Variants in ZNF638 observed in about 807,000 individuals in gnomAD.
ZNF638 encodes CTCL tumor antigen se33-1.
In ZNF638, 46 loss-of-function variants were observed where a neutral mutation model predicts 195.6. The ratio of observed to expected loss-of-function variants is 0.24; its 90% CI spans 0.19 to 0.30. ZNF638 has a LOEUF of 0.30. Among genes scored for constraint, ZNF638 ranks in the 10% least tolerant of loss-of-function variants. The probability of loss-of-function intolerance (pLI) is 1.00; values close to 1 mark genes in which losing one functional copy is unlikely to be tolerated. For synonymous variants in ZNF638, 845 were observed against 772.0 expected (o/e 1.09, Z -1.57); for missense variants, 2,440 against 2,325.3 (o/e 1.05, Z -1.01).
intron 19 of ZNF638, chr2:71,407,560 C>T (rs1159564956): frequency 6.6e-6 from 1 of 152,156 alleles, no homozygotes; most frequent in Non-Finnish European, 1.5e-5. Flanking sequence ...GTTTGTAAGA[C>T]ATAAATTTAA....
At chr2:71,386,726 C>A (rs1160499573) in intron 10 of ZNF638, among the ~76,000 whole-genome samples, 2 of 151,832 alleles carry the variant, frequency 1.3e-5, no homozygotes, top group Non-Finnish European at 2.9e-5. Flanking sequence ...TTAAATAGTC[C>A]ATTTATAATA....
rs1458972309 is a variant in ZNF638, at chr2:71,426,449, C to T, written c.4591-11C>T. On this transcript the variant is annotated splice_polypyrimidine_tract_variant and intron_variant, in intron 23 of 27. Transcript: ENST00000264447. ...TTGTTTACAATACTATGATTTTTAACTTTCCAACAGGAGCCATTATTTCCA... is the reference window on the plus strand; with the variant it reads ...TTGTTTACAATACTATGATTTTTAATTTTCCAACAGGAGCCATTATTTCCA... 1.3e-6 allele frequency: 2 copies of T among 1,542,150 alleles called. No individual in the cohort carries two copies. The highest frequency in any genetic ancestry group is 1.7e-6 in the Non-Finnish European group (2 of 1,149,646).
chr2:71,392,726 C>G (rs913489040), intron 10 of ZNF638, among the ~76,000 whole-genome samples: 1 of 152,134 alleles, frequency 6.6e-6, no homozygotes, highest in East Asian at 1.9e-4. Flanking sequence ...ACAATAGCAG[C>G]TTACCCAAAG....
At chr2:71,343,310 T>C (rs543908049) in intron 1 of ZNF638, among the ~76,000 whole-genome samples, 1 of 152,274 alleles carries the variant, frequency 6.6e-6, no homozygotes, top group African/African-American at 2.4e-5. Flanking sequence ...ATTTAATACA[T>C]TGAGTGAATA....
At chr2:71,431,106 G>T (rs1484200786) in intron 25 of ZNF638, 3 of 411,954 alleles carry the variant, frequency 7.3e-6, no homozygotes, top group Non-Finnish European at 1.3e-5. Flanking sequence ...AATAAAATTT[G>T]CTGTTAGCTT....
At chr2:71,389,013 G>C (rs1261193849) in intron 10 of ZNF638, among the ~76,000 whole-genome samples, 1 of 152,140 alleles carries the variant, frequency 6.6e-6, no homozygotes, top group African/African-American at 2.4e-5. Context: ...ACGGGTCCCA[G>C]TAACATCTTT....
At chr2:71,421,780 A>G (rs1310806019) in intron 21 of ZNF638, among the ~76,000 whole-genome samples, 2 of 152,156 alleles carry the variant, frequency 1.3e-5, no homozygotes, top group Non-Finnish European at 2.9e-5. Context: ...TCATTATATG[A>G]ATATATTTGG....
intron 10 of ZNF638, among the ~76,000 whole-genome samples, chr2:71,390,757 C>T (rs1439779832): frequency 6.6e-6 from 1 of 152,060 alleles, no homozygotes; most frequent in Non-Finnish European, 1.5e-5. Flanking sequence ...GTTATCAAAA[C>T]TGGTCAGAAA....
intron 16 of ZNF638, among the ~76,000 whole-genome samples, 172 bp from the exon 17 acceptor site, chr2:71,403,698 T>C (rs1207150259): frequency 6.6e-6 from 1 of 152,152 alleles, no homozygotes; most frequent in Non-Finnish European, 1.5e-5. Context: ...GTTGTAATAT[T>C]CTTAGTCTTT....
chr2:71,350,228 C>T lies in ZNF638; in HGVS notation c.1274C>T (p.Pro425Leu). 6.2e-7 allele frequency: 1 copy of T among 1,604,520 alleles called. No homozygotes were observed. The highest frequency in any genetic ancestry group is 8.5e-7 in the Non-Finnish European group (1 of 1,179,944). Residue 425 changes from proline to leucine, a missense_variant, in exon 2 of 28, where the codon CCA becomes CTA. Physicochemically the swap from Pro to Leu is moderately conservative, Grantham distance 98. Coordinates refer to ENST00000264447, the MANE Select transcript of ZNF638 (RefSeq NM_014497.5). Reference protein sequence around the residue: ...DYYAASPRIFPHLCSLCNVEC... With the variant: ...DYYAASPRIFLHLCSLCNVEC... ...TATGCAGCATCTCCAAGAATATTTCCACATTTGTGTTCTCTGTGTAACGTA... is the reference window on the plus strand; with the variant it reads ...TATGCAGCATCTCCAAGAATATTTCTACATTTGTGTTCTCTGTGTAACGTA...
At chr2:71,333,326 T>A (rs1224305383) in intron 1 of ZNF638, among the ~76,000 whole-genome samples, 1 of 152,226 alleles carries the variant, frequency 6.6e-6, no homozygotes, top group Non-Finnish European at 1.5e-5. Context: ...GGGGATTTAT[T>A]TGTCTTGGAA....
intron 10 of ZNF638, among the ~76,000 whole-genome samples, chr2:71,389,722 A>C (rs1022716277): frequency 1.3e-5 from 2 of 151,890 alleles, no homozygotes; most frequent in African/African-American, 4.8e-5. Flanking sequence ...GGATCTTTAT[A>C]AATGTTCGAC....
At chr2:71,384,150 C>G (rs1445634316) in intron 10 of ZNF638, among the ~76,000 whole-genome samples, 2 of 152,186 alleles carry the variant, frequency 1.3e-5, no homozygotes, top group African/African-American at 2.4e-5. Flanking sequence ...TCCACTGACT[C>G]TACTTCAGCT....
At chr2:71,358,844 CATAGT>C (rs1420116300) in intron 3 of ZNF638, among the ~76,000 whole-genome samples, 7 of 152,182 alleles carry the variant, frequency 4.6e-5, no homozygotes, top group Non-Finnish European at 1.0e-4. Context: ...GAGTCACACT[CATAGT>C]ATTTCAAATT....
At chr2:71,380,447 A>T in intron 9 of ZNF638, 66 bp from the exon 10 acceptor site, 1 of 1,421,670 alleles carries the variant, frequency 7.0e-7, no homozygotes, top group East Asian at 2.3e-5. Context: ...TAAATATTAC[A>T]TTTTTAGGAT....
intron 10 of ZNF638, among the ~76,000 whole-genome samples, chr2:71,383,151 C>T (rs79375313): frequency 6.5e-4 from 99 of 152,088 alleles, no homozygotes; most frequent in East Asian, 3.5e-3. Context: ...GGTGAAACCC[C>T]GTCTCTACTA....
Position 71,349,280 on chromosome 2 carries a change from A to G in ZNF638, c.326A>G (p.His109Arg), listed in dbSNP as rs1427452811. ...PHGSRWDDEP[H>R]ISASVAVKQS... ...GGTAGCCGGTGGGATGATGAGCCTC[A>G]TATATCTGCATCAGTGGCAGTGAAA... The change falls in exon 2 of 28, where the codon CAT becomes CGT. Residue 109 changes from histidine to arginine, a missense_variant. Physicochemically the swap from His to Arg is conservative, Grantham distance 29. Around this residue, in one of 5 missense-constraint regions of ZNF638, gnomAD observed 191 missense variants for 173.8 expected, o/e 1.10. Transcript: ENST00000264447. 1.2e-6 allele frequency: 2 copies of G among 1,614,174 alleles called. No individual in the cohort carries two copies. Among genetic ancestry groups the G allele is most frequent in the Non-Finnish European group, 1.7e-6 (2 of 1,180,030 alleles).
intron 2 of ZNF638, among the ~76,000 whole-genome samples, chr2:71,354,504 G>A (rs2104210680): frequency 6.6e-6 from 1 of 152,180 alleles, no homozygotes; most frequent in Admixed American, 6.5e-5. Context: ...GGGAGGCCGA[G>A]GCAGGTGGAT....
chr2:71,404,636 G>GAGC (rs1178158143), intron 17 of ZNF638, among the ~76,000 whole-genome samples: 1 of 152,198 alleles, frequency 6.6e-6, no homozygotes, highest in East Asian at 1.9e-4. Context: ...AGGATCCCTT[G>GAGC]AGCCTAGGAG....
Sources: gnomAD v4.1 joint callset for allele counts (sites outside exome capture counted in the v4.1 genomes callset) on GRCh38, gnomAD v4.1.1 for gene constraint, gnomAD v4.1.1 regional missense constraint, MANE v1.5 for transcripts, NCBI Gene and HGNC (gene_info 2026-07-23, HGNC 2026-07-21) for gene names.